The following LCK variants were observed in gnomAD, a reference collection of about 807,000 sequenced individuals.
LCK encodes the protein LCK proto-oncogene, Src family tyrosine kinase, also known as tyrosine-protein kinase Lck.
LCK carries 14 observed loss-of-function variants against 64.6 expected under a neutral mutation model. That is an observed-to-expected ratio of 0.22 (90% CI 0.14 to 0.34). The LOEUF (loss-of-function observed/expected upper bound fraction) is 0.34. LCK is among the 10% of genes least tolerant of loss of function. The probability of loss-of-function intolerance (pLI) is 1.00; values close to 1 mark genes in which losing one functional copy is unlikely to be tolerated. For synonymous variants in LCK, 277 were observed against 263.6 expected (o/e 1.05, Z -0.49); for missense variants, 434 against 668.1 (o/e 0.65, Z 3.86).
chr1:32,260,298 A>T (rs1194205254), intron 1 of LCK, among the ~76,000 whole-genome samples: 1 of 152,146 alleles, frequency 6.6e-6, no homozygotes, highest in Non-Finnish European at 1.5e-5. Context: ...GGTGTGAACC[A>T]CTGCGCCTGG....
At chr1:32,279,573 C>A in intron 9 of LCK, 98 bp from the exon 10 acceptor site, 2 of 1,595,380 alleles carry the variant, frequency 1.3e-6, no homozygotes, top group Non-Finnish European at 1.7e-6. Context: ...TTCCTTTTCA[C>A]ATGTCAGACA....
In LCK at chr1:32,285,814, G is replaced by A; in HGVS notation, c.*98G>A. On this transcript the variant is annotated 3_prime_UTR_variant, in exon 13 of 13. Transcript: ENST00000336890. ...ATAGTCACATGGCCTATGCACATAT[G>A]GACTCTGCACATGAATCCCACCCAC... 1 of 1,285,366 alleles carries A rather than the reference G, an allele frequency of 7.8e-7. No individual in the cohort carries two copies. Among genetic ancestry groups the A allele is most frequent in the Non-Finnish European group, 1.1e-6 (1 of 917,968 alleles). The allele number at this position is 1,285,366 out of a possible 1,614,324, so 79.6% of individuals were successfully genotyped here.
intron 12 of LCK, 89 bp from the exon 13 acceptor site, chr1:32,285,425 C>A: frequency 8.6e-7 from 1 of 1,160,534 alleles, no homozygotes; most frequent in South Asian, 1.2e-5. Context: ...TTGGTGCTCA[C>A]ACTGTGCCAG....
Position 32,273,785 on chromosome 1 carries a change from G to A in LCK, c.-5-540G>A, listed in dbSNP as rs1437655221. On this transcript the variant is annotated intron_variant, in intron 1 of 12. Coordinates refer to ENST00000336890, the MANE Select transcript of LCK (RefSeq NM_005356.5). ...TTTGAAGGAACCCTGTGAGATGACTGTGGGCTGTGTGAGGGGAACAGCGGG... is the reference window on the plus strand; with the variant it reads ...TTTGAAGGAACCCTGTGAGATGACTATGGGCTGTGTGAGGGGAACAGCGGG... Among the ~76,000 whole-genome samples the A allele has an allele frequency of 2.0e-5, 3 of 152,292 alleles. No individual in the cohort carries two copies. The East Asian group carries it at 5.8e-4, about 29-fold the overall frequency.
At chr1:32,274,285 C>T in intron 1 of LCK, 40 bp from the exon 2 acceptor site, 1 of 1,613,638 alleles carries the variant, frequency 6.2e-7, no homozygotes, top group Non-Finnish European at 8.5e-7. Context: ...GGGAGCAGAT[C>T]TTGGGGGAGC....
chr1:32,257,195 G>A (rs1192602478), intron 1 of LCK, among the ~76,000 whole-genome samples: 1 of 150,858 alleles, frequency 6.6e-6, no homozygotes, highest in Admixed American at 6.6e-5. Flanking sequence ...AAGTGCAGAG[G>A]TTTAGTAAGC....
intron 12 of LCK, among the ~76,000 whole-genome samples, chr1:32,282,282 A>G (rs1235300459): frequency 6.6e-6 from 1 of 152,208 alleles, no homozygotes; most frequent in Non-Finnish European, 1.5e-5. Context: ...GAAAATAGGC[A>G]GTGAAAGCAT....
chr1:32,275,871 A>T lies in LCK; in HGVS notation c.482-43A>T. 6.2e-7 allele frequency: 1 copy of T among 1,610,122 alleles called. No individual in the cohort carries two copies. The highest frequency in any genetic ancestry group is 8.5e-7 in the Non-Finnish European group (1 of 1,177,616). On this transcript the variant is annotated intron_variant, in intron 6 of 12. Coordinates refer to ENST00000336890, the MANE Select transcript of LCK (RefSeq NM_005356.5). The surrounding 1 kb of genome is among the most constrained non-coding windows in gnomAD (Gnocchi z 6.9). Reference sequence around the variant, plus strand: ...GGGGGCGCGGTGGCGGGCCAGACTCACTGCGTTCTTTCGTCGCTTTGTCCA... The same window carrying T: ...GGGGGCGCGGTGGCGGGCCAGACTCTCTGCGTTCTTTCGTCGCTTTGTCCA...
Position 32,286,147 on chromosome 1 carries a change from T to C in LCK, c.*431T>C, listed in dbSNP as rs915312949. Reference sequence around the variant, plus strand: ...GCACACATCAGGAGTTCAATAAATGTCTGTTGATGACTGTTGTACATCTCT... The same window carrying C: ...GCACACATCAGGAGTTCAATAAATGCCTGTTGATGACTGTTGTACATCTCT... On this transcript the variant is annotated 3_prime_UTR_variant, in exon 13 of 13. Transcript: ENST00000336890. 3.7e-6 allele frequency: 1 copy of C among 273,176 alleles called. No individual in the cohort carries two copies. The highest frequency in any genetic ancestry group is 2.1e-5 in the African/African-American group (1 of 47,756). The allele number at this position is 273,176 out of a possible 1,614,324, so 16.9% of individuals were successfully genotyped here.
chr1:32,260,392 C>T (rs1433513090), intron 1 of LCK, among the ~76,000 whole-genome samples: 3 of 152,110 alleles, frequency 2.0e-5, no homozygotes, highest in African/African-American at 7.2e-5. Flanking sequence ...GTGATTTTCC[C>T]ATCTCGGCCC....
chr1:32,282,738 G>A (rs556934855), intron 12 of LCK, among the ~76,000 whole-genome samples: 3 of 152,052 alleles, frequency 2.0e-5, no homozygotes, highest in South Asian at 2.1e-4. Flanking sequence ...CCCTGGAGGC[G>A]GAAGTTGCAG....
At chr1:32,268,532 A>C (rs1258575759) in intron 1 of LCK, among the ~76,000 whole-genome samples, 4 of 151,910 alleles carry the variant, frequency 2.6e-5, no homozygotes, top group Non-Finnish European at 5.9e-5. Flanking sequence ...TGGATAGCTC[A>C]TTTATCCCTT....
At chr1:32,280,345 C>T (rs1025276513) in intron 12 of LCK, 135 bp downstream of exon 12, 21 of 1,092,736 alleles carry the variant, frequency 1.9e-5, no homozygotes, top group African/African-American at 1.4e-4. Flanking sequence ...ATGAGTCCAA[C>T]GTCCCCAGGC....
chr1:32,281,589 C>A (rs1026751590), intron 12 of LCK, among the ~76,000 whole-genome samples: 2 of 152,106 alleles, frequency 1.3e-5, no homozygotes, highest in African/African-American at 4.8e-5. Context: ...AAGCCCTTTA[C>A]CCCTGAATTC....
At position 32,251,895 on chromosome 1, in the gene LCK, A is replaced by AGT. The variant is rs1491578329; in HGVS notation, c.-6+525_-6+526insTG. ...CCCAGTGACAAGAATCTCCTGAGAAAGAGAGAGAGAGAGAGAGAGAGAGAG... is the reference window on the plus strand; with the variant it reads ...CCCAGTGACAAGAATCTCCTGAGAAAGTGAGAGAGAGAGAGAGAGAGAGAGAG... On this transcript the variant is annotated intron_variant, in intron 1 of 12. Coordinates refer to ENST00000336890, the MANE Select transcript of LCK (RefSeq NM_005356.5). The surrounding 1 kb of genome is among the most constrained non-coding windows in gnomAD (Gnocchi z 4.0). Among the ~76,000 whole-genome samples the AGT allele has an allele frequency of 5.6e-3, 6 of 1,072 alleles. No homozygotes were observed. The East Asian group carries it at 0.13, about 23-fold the overall frequency. 0.7% of individuals were successfully genotyped at this position (1,072 alleles called of 152,430 possible).
intron 1 of LCK, among the ~76,000 whole-genome samples, chr1:32,266,084 T>C (rs1471497857): frequency 1.3e-5 from 2 of 152,142 alleles, no homozygotes; most frequent in Admixed American, 1.3e-4. Context: ...CTCAGCCTCC[T>C]GAGTAGCTAG....
rs1256716061 is a variant in LCK at position 32,275,471 on chromosome 1, G to C, written c.377+52G>C. The C allele has an allele frequency of 6.3e-7, 1 of 1,594,106 alleles. No homozygotes were observed. The highest frequency in any genetic ancestry group is 8.6e-7 in the Non-Finnish European group (1 of 1,165,340). ...GGTAGGAGCAGATCTAGGGATCCTG[G>C]AGCAGGGAGTAGGCCTGGGGTGGCG... is the stretch of plus-strand genomic sequence containing the variant. On this transcript the variant is annotated intron_variant, in intron 5 of 12. Coordinates refer to ENST00000336890, the MANE Select transcript of LCK (RefSeq NM_005356.5). This position sits in a 1 kb window ranked among gnomAD's most constrained non-coding sequence, Gnocchi z 6.9.
At chr1:32,253,082 C>T (rs908283972) in intron 1 of LCK, among the ~76,000 whole-genome samples, 2 of 152,154 alleles carry the variant, frequency 1.3e-5, no homozygotes, top group Non-Finnish European at 2.9e-5. Context: ...AGGCAATAAT[C>T]AAGCTGGGCA....
chr1:32,281,361 G>C (rs1254146478), intron 12 of LCK, among the ~76,000 whole-genome samples: 2 of 151,242 alleles, frequency 1.3e-5, no homozygotes, highest in Non-Finnish European at 2.9e-5. Context: ...TTGGGAGGCT[G>C]AGGTGGGAGG....
Sources: gnomAD v4.1 joint callset for allele counts (sites outside exome capture counted in the v4.1 genomes callset) on GRCh38, gnomAD v4.1.1 for gene constraint, Gnocchi (gnomAD v3.1) non-coding constraint, MANE v1.5 for transcripts, NCBI Gene and HGNC (gene_info 2026-07-23, HGNC 2026-07-21) for gene names.